KCNH5: variants seen among roughly 807,000 people sequenced by gnomAD.
KCNH5 encodes the protein voltage-gated delayed rectifier potassium channel KCNH5.
KCNH5 carries 46 observed loss-of-function variants against 96.1 expected under a neutral mutation model. The observed-to-expected ratio is 0.48, with a 90% CI of 0.38 to 0.61. The LOEUF is 0.61. Among genes scored for constraint, KCNH5 ranks in the 20% least tolerant of loss-of-function variants. The pLI is 0.00. For synonymous variants in KCNH5, 439 were observed against 449.8 expected, an observed-to-expected ratio of 0.98 and a Z score of 0.30; for missense variants, 907 against 1,225.8, an observed-to-expected ratio of 0.74 and a Z score of 3.88.
chr14:62,886,577 G>A (rs1428627223), intron 7 of KCNH5, among the ~76,000 whole-genome samples: 2 of 152,174 alleles, frequency 1.3e-5, no homozygotes, highest in Non-Finnish European at 2.9e-5. Flanking sequence ...CATATGCTAT[G>A]TGAAATTCTT....
chr14:62,981,217 C>A lies in KCNH5; in HGVS notation c.597G>T (p.Ala199=), dbSNP rs114341754. The change falls in exon 6 of 11, where the codon GCG becomes GCT. Residue 199 remains alanine (A), a synonymous_variant. Coordinates refer to ENST00000322893, the MANE Select transcript of KCNH5 (RefSeq NM_139318.5). ...AAATAATGTGTGGTGGCGTCTTTGG[C>A]GCTTCTTGTTTATACTGAGGAAGGA... ...SDILPQYKQE[A]PKTPPHIILH... 79 of 1,614,022 alleles carry A rather than the reference C, an allele frequency of 4.9e-5. No homozygotes were observed. Among genetic ancestry groups the A allele is most frequent in the Non-Finnish European group, 6.4e-5 (76 of 1,179,954 alleles).
intron 7 of KCNH5, among the ~76,000 whole-genome samples, chr14:62,893,548 G>C (rs1888752602): frequency 6.6e-6 from 1 of 152,204 alleles, no homozygotes. Flanking sequence ...TTGAGGTCAG[G>C]AGTTTGTGAC....
Position 62,950,254 on chromosome 14 carries a change from A to T in KCNH5, c.1248T>A (p.Asp416Glu). 1.5e-5 allele frequency: 25 copies of T among 1,613,992 alleles called. No homozygotes were observed. Among genetic ancestry groups the T allele is most frequent in the Non-Finnish European group, 2.0e-5 (24 of 1,179,938 alleles). The change falls in exon 7 of 11, where the codon GAT becomes GAA. Residue 416 changes from aspartate to glutamate, a missense_variant. Transcript: ENST00000322893. ...AGTAGAGAGAGGACACGTACAATGA[A>T]TCCTTGCTGGGTCCTCCTTCCCATA... ...AGIWEGGPSK[D>E]SLYVSSLYFT... is the part of the protein sequence containing the mutation.
intron 7 of KCNH5, among the ~76,000 whole-genome samples, chr14:62,874,792 G>A (rs1888335625): frequency 1.0e-5 from 1 of 95,296 alleles, no homozygotes; most frequent in African/African-American, 4.2e-5. Context: ...AGACAGGGAT[G>A]CCCTCTCTCA....
intron 8 of KCNH5, among the ~76,000 whole-genome samples, chr14:62,810,992 G>A (rs1020462230): frequency 6.6e-6 from 1 of 151,866 alleles, no homozygotes; most frequent in African/African-American, 2.4e-5. Context: ...TGACCCAACG[G>A]CTATCTTTGG....
At chr14:62,730,776 T>G (rs927262876) in intron 10 of KCNH5, among the ~76,000 whole-genome samples, 3 of 152,184 alleles carry the variant, frequency 2.0e-5, no homozygotes, top group African/African-American at 7.2e-5. Context: ...GGGCAAAGTT[T>G]ATCTCCCATG....
chr14:62,783,366 C>T (rs1337937053), intron 9 of KCNH5, among the ~76,000 whole-genome samples: 1 of 152,080 alleles, frequency 6.6e-6, no homozygotes, highest in Non-Finnish European at 1.5e-5. Context: ...CTTGATGGTA[C>T]CAAAAAAAGC....
intron 6 of KCNH5, among the ~76,000 whole-genome samples, chr14:62,966,623 T>C (rs1890309889): frequency 1.3e-5 from 2 of 152,222 alleles, no homozygotes; most frequent in South Asian, 4.1e-4. Context: ...GGACCTTCTT[T>C]CTCCAGGACT....
chr14:62,754,810 G>C (rs944362965), intron 10 of KCNH5, among the ~76,000 whole-genome samples: 5 of 151,882 alleles, frequency 3.3e-5, no homozygotes, highest in Admixed American at 3.3e-4. Context: ...AGGAGACAGA[G>C]GTTGCAGTGA....
At chr14:63,010,216 G>C (rs534451021) in intron 2 of KCNH5, among the ~76,000 whole-genome samples, 1 of 152,126 alleles carries the variant, frequency 6.6e-6, no homozygotes, top group Non-Finnish European at 1.5e-5. Context: ...TGGACAAGTC[G>C]TATATCCTCT....
At chr14:62,818,226 T>C (rs1169951604) in intron 8 of KCNH5, among the ~76,000 whole-genome samples, 1 of 151,678 alleles carries the variant, frequency 6.6e-6, no homozygotes, top group Non-Finnish European at 1.5e-5. Context: ...TAATAATAAC[T>C]GTCACGACAC....
chr14:62,781,224 A>G (rs1886205052), intron 9 of KCNH5, among the ~76,000 whole-genome samples: 1 of 152,200 alleles, frequency 6.6e-6, no homozygotes, highest in Non-Finnish European at 1.5e-5. Context: ...GGGATTTTCA[A>G]AAGGGGAGGG....
In KCNH5 at chr14:62,868,100, C is replaced by A. The variant is rs112468649; in HGVS notation, c.1370-18248G>T. Among the ~76,000 whole-genome samples, 35 of 152,340 alleles carry A rather than the reference C, an allele frequency of 2.3e-4. 2 individuals are homozygous for A. Among genetic ancestry groups the A allele is most frequent in the African/African-American group, 7.2e-4 (30 of 41,584 alleles). The stretch of plus-strand genomic sequence containing the variant: ...CTTGGTGCAATCAATGCAGAATGAA[C>A]AAATCAATCATTGAGTGAGGGGGTA... On this transcript the variant is annotated intron_variant, in intron 7 of 10. Coordinates refer to ENST00000322893, the MANE Select transcript of KCNH5 (RefSeq NM_139318.5).
intron 8 of KCNH5, among the ~76,000 whole-genome samples, chr14:62,840,566 C>CTTTTTTTT (rs71120238): frequency 2.5e-3 from 192 of 76,336 alleles, no homozygotes; most frequent in African/African-American, 3.9e-3. Context: ...TCTTTTTTTT[C>CTTTTTTTT]TTTTTTTTTT....
chr14:63,002,413 T>A lies in KCNH5; in HGVS notation c.305-954A>T, dbSNP rs575153799. Among the ~76,000 whole-genome samples the A allele has an allele frequency of 2.0e-5, 3 of 152,284 alleles. No homozygotes were observed. In the South Asian group the frequency reaches 6.2e-4, roughly 32 times the overall value. Reference sequence around the variant, plus strand: ...ATTCCATTACAATCAAAGAGACACATTTACATTACAATCAAAGAGACACTT... The same window carrying A: ...ATTCCATTACAATCAAAGAGACACAATTACATTACAATCAAAGAGACACTT... On this transcript the variant is annotated intron_variant, in intron 3 of 10. Transcript: ENST00000322893.
At chr14:62,840,566 C>CTTTTCTTTCTTTTTTTTTTTTTT (rs1887561319) in intron 8 of KCNH5, among the ~76,000 whole-genome samples, 9 of 76,394 alleles carry the variant, frequency 1.2e-4, no homozygotes, top group African/African-American at 5.2e-4. Context: ...TCTTTTTTTT[C>CTTTTCTTTCTTTTTTTTTTTTTT]TTTTTTTTTT....
intron 10 of KCNH5, among the ~76,000 whole-genome samples, chr14:62,723,019 T>A (rs752858262): frequency 4.6e-5 from 7 of 152,208 alleles, no homozygotes; most frequent in African/African-American, 9.6e-5. Flanking sequence ...CATTTGAGAC[T>A]ATTCCATTGT....
intron 7 of KCNH5, among the ~76,000 whole-genome samples, chr14:62,941,645 C>G (rs1407559696): frequency 6.6e-6 from 1 of 152,196 alleles, no homozygotes; most frequent in African/African-American, 2.4e-5. Context: ...CTCTCCCCAT[C>G]TGGCTAAAAC....
At chr14:62,988,704 A>G (rs1890755538) in intron 4 of KCNH5, among the ~76,000 whole-genome samples, 1 of 152,114 alleles carries the variant, frequency 6.6e-6, no homozygotes, top group Non-Finnish European at 1.5e-5. Flanking sequence ...AAACAAAAAA[A>G]AAGGGTATTA....
Sources: allele counts gnomAD v4.1 joint callset (sites outside exome capture counted in the v4.1 genomes callset), GRCh38; gene constraint gnomAD v4.1.1; transcripts MANE v1.5; gene names NCBI Gene and HGNC (gene_info 2026-07-23, HGNC 2026-07-21).